Variants in POU6F2 observed in about 807,000 individuals in gnomAD.
The protein encoded by POU6F2 is POU class 6 homeobox 2.
POU6F2 carries 31 observed loss-of-function variants against 71.3 expected under a neutral mutation model. The observed-to-expected ratio is 0.43, with a 90% CI of 0.33 to 0.59. The LOEUF (loss-of-function observed/expected upper bound fraction) is 0.59. POU6F2 is among the 20% of genes least tolerant of loss of function. POU6F2 has a pLI of 0.04. For synonymous variants in POU6F2, 347 were observed against 355.7 expected (o/e 0.98, Z 0.27); for missense variants, 783 against 856.8 (o/e 0.91, Z 1.07).
intron 2 of POU6F2, among the ~76,000 whole-genome samples, chr7:39,147,562 G>A (rs1326448372): frequency 6.6e-6 from 1 of 152,188 alleles, no homozygotes; most frequent in Non-Finnish European, 1.5e-5. Flanking sequence ...GATGGAGAAA[G>A]TCCCAGGCCA....
At chr7:39,424,923 C>A (rs993930615) in intron 6 of POU6F2, among the ~76,000 whole-genome samples, 3 of 151,858 alleles carry the variant, frequency 2.0e-5, no homozygotes, top group Admixed American at 2.0e-4. Context: ...AGAATGGGGC[C>A]GAGGCTGCTA....
At chr7:38,993,426 A>G (rs1471164922) in intron 1 of POU6F2, among the ~76,000 whole-genome samples, 5 of 152,168 alleles carry the variant, frequency 3.3e-5, no homozygotes. Flanking sequence ...TTAAATTAGG[A>G]TTGTGTAACA....
chr7:39,043,910 C>T (rs61529697), intron 1 of POU6F2, among the ~76,000 whole-genome samples: 2,548 of 152,004 alleles, frequency 0.017, 71 homozygotes, highest in African/African-American at 0.058. Context: ...CTCTCTGTTG[C>T]ATGAAGGCTG....
At chr7:39,140,445 G>A (rs1205986328) in intron 2 of POU6F2, among the ~76,000 whole-genome samples, 1 of 152,216 alleles carries the variant, frequency 6.6e-6, no homozygotes, top group African/African-American at 2.4e-5. Context: ...GAGGTGAGAA[G>A]TAGAAATCAA....
At chr7:39,015,341 TATA>T (rs1328930488) in intron 1 of POU6F2, among the ~76,000 whole-genome samples, 17 of 134,892 alleles carry the variant, frequency 1.3e-4, no homozygotes, top group African/African-American at 3.8e-4. Context: ...TATTATAATA[TATA>T]ATAATAGATA....
Position 39,430,019 on chromosome 7 carries a change from A to G in POU6F2, c.1114-3058A>G. 1.3e-5 allele frequency among the ~76,000 whole-genome samples: 2 copies of G among 152,202 alleles called. 1 individual carries two copies. Among genetic ancestry groups the G allele is most frequent in the East Asian group, 3.8e-4 (2 of 5,204 alleles). On this transcript the variant is annotated intron_variant, in intron 6 of 9. Coordinates refer to ENST00000518318, the MANE Select transcript of POU6F2 (RefSeq NM_001370959.1). The stretch of plus-strand genomic sequence containing the variant: ...TGCGACCTCTGTGAAGTCAAAGTCC[A>G]TGGAGGAGTTCTGATTAGATCTGTG...
intron 2 of POU6F2, among the ~76,000 whole-genome samples, chr7:39,098,786 G>C (rs542187272): frequency 6.6e-6 from 1 of 152,328 alleles, no homozygotes; most frequent in Non-Finnish European, 1.5e-5. Flanking sequence ...AGCCTATAGA[G>C]TACCTGGAAT....
chr7:39,452,413 C>T (rs990303069), intron 8 of POU6F2, among the ~76,000 whole-genome samples: 1 of 152,190 alleles, frequency 6.6e-6, no homozygotes, highest in Non-Finnish European at 1.5e-5. Context: ...GATTTAATGT[C>T]AGTCACGTTT....
intron 2 of POU6F2, among the ~76,000 whole-genome samples, chr7:39,174,971 C>T (rs1584583310): frequency 1.3e-5 from 2 of 152,184 alleles, no homozygotes; most frequent in Non-Finnish European, 1.5e-5. Context: ...TTTCTCTTCT[C>T]CTGTGACCTC....
chr7:39,332,729 A>T (rs1478115922), intron 4 of POU6F2, among the ~76,000 whole-genome samples: 2 of 152,180 alleles, frequency 1.3e-5, no homozygotes, highest in Non-Finnish European at 2.9e-5. Flanking sequence ...TTGGATTTTA[A>T]AAGATCTTTA....
intron 2 of POU6F2, among the ~76,000 whole-genome samples, chr7:39,188,149 A>T (rs1290397158): frequency 6.6e-6 from 1 of 152,198 alleles, no homozygotes; most frequent in Non-Finnish European, 1.5e-5. Flanking sequence ...TAATCTCTTT[A>T]AGTCTCACAA....
chr7:39,358,242 G>T (rs749873609), intron 5 of POU6F2, among the ~76,000 whole-genome samples: 33 of 152,054 alleles, frequency 2.2e-4, no homozygotes, highest in Non-Finnish European at 4.4e-4. Flanking sequence ...CAAATGAAAT[G>T]ATGGCATGCC....
chr7:39,171,280 A>G (rs918669410), intron 2 of POU6F2, among the ~76,000 whole-genome samples: 3 of 151,954 alleles, frequency 2.0e-5, no homozygotes, highest in African/African-American at 4.8e-5. Flanking sequence ...TTTATAATAT[A>G]TATTTATCCT....
intron 8 of POU6F2, among the ~76,000 whole-genome samples, chr7:39,454,673 T>G (rs1354095220): frequency 0.061 from 150 of 2,470 alleles, 13 homozygotes; most frequent in Middle Eastern, 0.12. Flanking sequence ...TATATATATA[T>G]ATATATATAT....
At chr7:39,380,747 G>T (rs570816831) in intron 5 of POU6F2, among the ~76,000 whole-genome samples, 1 of 152,274 alleles carries the variant, frequency 6.6e-6, no homozygotes, top group South Asian at 2.1e-4. Context: ...CTGCCTTTTG[G>T]CTCCTAGAAG....
At chr7:39,270,410 A>G (rs1378281603) in intron 4 of POU6F2, among the ~76,000 whole-genome samples, 1 of 152,270 alleles carries the variant, frequency 6.6e-6, no homozygotes, top group Non-Finnish European at 1.5e-5. Context: ...AGTATGTGAT[A>G]GGCGACTTGA....
At chr7:39,262,072 TG>T (rs1233285613) in intron 4 of POU6F2, among the ~76,000 whole-genome samples, 2 of 152,184 alleles carry the variant, frequency 1.3e-5, no homozygotes, top group African/African-American at 4.8e-5. Context: ...AGTTGCTCAA[TG>T]GTGCCAGTTT....
intron 5 of POU6F2, among the ~76,000 whole-genome samples, chr7:39,344,965 G>A (rs1384798697): frequency 1.3e-5 from 2 of 152,174 alleles, no homozygotes; most frequent in Non-Finnish European, 2.9e-5. Context: ...AGGCTTGGAA[G>A]CACTCATCTC....
At chr7:39,131,344 T>C (rs1429634724) in intron 2 of POU6F2, among the ~76,000 whole-genome samples, 1 of 152,146 alleles carries the variant, frequency 6.6e-6, no homozygotes, top group Admixed American at 6.6e-5. Flanking sequence ...TGCATAATCA[T>C]ATTTGACGAA....
Sources: allele counts gnomAD v4.1 joint callset (sites outside exome capture counted in the v4.1 genomes callset), GRCh38; gene constraint gnomAD v4.1.1; transcripts MANE v1.5; gene names NCBI Gene and HGNC (gene_info 2026-07-23, HGNC 2026-07-21).